BAHCC1: variants seen among roughly 807,000 people sequenced by gnomAD.
BAHCC1 encodes BAH and coiled-coil domain-containing protein 1.
A neutral mutation model predicts 88.2 loss-of-function variants in BAHCC1; 43 were observed. That is an observed-to-expected ratio of 0.49 (90% CI 0.38 to 0.63). BAHCC1 has a LOEUF of 0.63. BAHCC1 is among the 20% of genes least tolerant of loss of function. BAHCC1 has a pLI of 0.00. For synonymous variants in BAHCC1, 1,510 were observed against 745.5 expected, an observed-to-expected ratio of 2.03 and a Z score of -16.71; for missense variants, 3,023 against 1,654.8, an observed-to-expected ratio of 1.83 and a Z score of -14.34.
At chr17:81,406,082 A>G (rs1555646822) in intron 2 of BAHCC1, among the ~76,000 whole-genome samples, 1 of 152,214 alleles carries the variant, frequency 6.6e-6, no homozygotes, top group East Asian at 1.9e-4. Context: ...CCCTCAAACA[A>G]CAGAAGCTGC....
chr17:81,437,655 G>A (rs1160617730), intron 3 of BAHCC1, among the ~76,000 whole-genome samples: 1 of 152,264 alleles, frequency 6.6e-6, no homozygotes, highest in East Asian at 1.9e-4. Flanking sequence ...GGCAGGGGCA[G>A]GCCGCTCAGA....
intron 3 of BAHCC1, 96 bp from the exon 4 acceptor site, chr17:81,438,274 G>A: frequency 2.7e-6 from 2 of 733,300 alleles, no homozygotes; most frequent in Non-Finnish European, 5.0e-6. Context: ...CATCGCTCCT[G>A]GGCTGCCTGC....
intron 2 of BAHCC1, among the ~76,000 whole-genome samples, chr17:81,409,037 A>G (rs1351761274): frequency 3.9e-5 from 6 of 152,228 alleles, no homozygotes; most frequent in African/African-American, 1.4e-4. Context: ...GAAAAGATGA[A>G]CGATTAACTC....
At position 81,447,219 on chromosome 17, in the gene BAHCC1, A is replaced by C. The variant is rs1555654704; in HGVS notation, c.3347A>C (p.Glu1116Ala). ...CCCTGCAGCCCCAGGAGCCTGGAGGAGCCCGGGCTGCTCTCAGGGGCCAGG... is the reference window on the plus strand; with the variant it reads ...CCCTGCAGCCCCAGGAGCCTGGAGGCGCCCGGGCTGCTCTCAGGGGCCAGG... ...PPPCSPRSLE[E>A]PGLLSGAREA... The change falls in exon 11 of 28, where the codon GAG (glutamate) becomes GCG (alanine). Residue 1116 changes from glutamate to alanine, a missense_variant. Glu to Ala is a moderately radical substitution (Grantham distance 107). Coordinates refer to ENST00000675386, the MANE Select transcript of BAHCC1 (RefSeq NM_001377448.1). 4 of 743,868 alleles carry C rather than the reference A, an allele frequency of 5.4e-6. No homozygotes were observed. The South Asian group carries it at 5.8e-5, about 11-fold the overall frequency. The allele number at this position is 743,868 out of a possible 1,614,324, so 46.1% of individuals were successfully genotyped here.
chr17:81,438,762 G>T (rs988159580), intron 4 of BAHCC1, among the ~76,000 whole-genome samples: 1 of 152,160 alleles, frequency 6.6e-6, no homozygotes, highest in Non-Finnish European at 1.5e-5. Context: ...CTGAGCTGGT[G>T]CCCACCTTCC....
intron 2 of BAHCC1, among the ~76,000 whole-genome samples, chr17:81,403,731 G>C (rs1476616815): frequency 4.6e-5 from 7 of 152,146 alleles, no homozygotes; most frequent in African/African-American, 1.4e-4. Flanking sequence ...GTTACTTTCC[G>C]AAGACGTCAC....
intron 2 of BAHCC1, among the ~76,000 whole-genome samples, chr17:81,426,204 G>C (rs2064195765): frequency 6.8e-6 from 1 of 146,952 alleles, no homozygotes; most frequent in African/African-American, 2.5e-5. Flanking sequence ...TGATGTGGTT[G>C]GTGATGATGT....
At position 81,421,960 on chromosome 17, in the gene BAHCC1, G is replaced by A. The variant is rs538108005; in HGVS notation, c.179-4840G>A. 14 of 425,998 alleles carry A rather than the reference G, an allele frequency of 3.3e-5. No individual in the cohort carries two copies. The East Asian group carries it at 7.4e-4, about 22-fold the overall frequency. 26.4% of individuals were successfully genotyped at this position (425,998 alleles called of 1,614,324 possible). On this transcript the variant is annotated intron_variant, in intron 2 of 27. Coordinates refer to ENST00000675386, the MANE Select transcript of BAHCC1 (RefSeq NM_001377448.1). The stretch of plus-strand genomic sequence containing the variant: ...CTGTGCCCAGAAGTGGTCCCAGAAC[G>A]CTCATGCGAGGGCCTCAGGGCCGGG...
In BAHCC1 at chr17:81,411,825, C is replaced by T. The variant is rs1161835431; in HGVS notation, c.178+11908C>T. ...CTGCACGCCTCAGCAAGGTCGTTCC[C>T]GACAAGCCCCTCACCGCCCCGGCCC... On this transcript the variant is annotated intron_variant, in intron 2 of 27. Transcript: ENST00000675386. The surrounding 1 kb of genome is among the most constrained non-coding windows in gnomAD (Gnocchi z 6.2). 2.0e-5 allele frequency among the ~76,000 whole-genome samples: 3 copies of T among 152,214 alleles called. No individual in the cohort carries two copies. Among genetic ancestry groups the T allele is most frequent in the Non-Finnish European group, 4.4e-5 (3 of 68,030 alleles).
rs1428792256 is a variant in BAHCC1 at position 81,442,754 on chromosome 17, G to C, written c.1405G>C (p.Asp469His). The C allele has an allele frequency of 1.3e-6, 1 of 779,008 alleles. No homozygotes were observed. The highest frequency in any genetic ancestry group is 2.4e-6 in the Non-Finnish European group (1 of 417,762). 48.3% of individuals were successfully genotyped at this position (779,008 alleles called of 1,614,324 possible). A position where few individuals can be genotyped will look rare whatever the true frequency, so the allele number is the denominator to read the frequency against. The change falls in exon 5 of 28, where the codon GAC (aspartate) becomes CAC (histidine). Residue 469 changes from aspartate to histidine, a missense_variant. Asp to His is a moderately conservative substitution (Grantham distance 81). Coordinates refer to ENST00000675386, the MANE Select transcript of BAHCC1 (RefSeq NM_001377448.1). ...CCTCAACCCCCGGCTAAAGGGCCTC[G>C]ACTATCTCAGCAGCGCAGGCCCCGA... ...AALNPRLKGLDYLSSAGPEAS... is the reference protein window; with the variant it reads ...AALNPRLKGLHYLSSAGPEAS...
intron 10 of BAHCC1, 32 bp downstream of exon 10, chr17:81,445,713 G>C (rs1344498712): frequency 4.2e-6 from 3 of 713,784 alleles, no homozygotes; most frequent in Non-Finnish European, 7.8e-6. Context: ...GGCCCACTGT[G>C]CTCCGCTCCA....
Position 81,463,345 on chromosome 17 carries a change from C to T in BAHCC1, c.7621-266C>T, listed in dbSNP as rs536397536. Among the ~76,000 whole-genome samples the T allele has an allele frequency of 2.2e-4, 34 of 152,350 alleles. No homozygotes were observed. The South Asian group carries it at 6.4e-3, about 29-fold the overall frequency. ...CTCTGAGAAGAAGCCATTTTCCAGACCATATGACACGTCCATCTTTCAGGG... is the reference window on the plus strand; with the variant it reads ...CTCTGAGAAGAAGCCATTTTCCAGATCATATGACACGTCCATCTTTCAGGG... On this transcript the variant is annotated intron_variant, in intron 27 of 27. Transcript: ENST00000675386.
Position 81,399,810 on chromosome 17 carries a change from C to T in BAHCC1, c.71C>T (p.Ala24Val). Reference sequence around the variant, plus strand: ...CGCGGGAGCCTGGGCCACCGCAGCGCCGCTGCCGCCGCGCGTCTCGCCCCG... The same window carrying T: ...CGCGGGAGCCTGGGCCACCGCAGCGTCGCTGCCGCCGCGCGTCTCGCCCCG... ...SERGSLGHRS[A>V]AAAARLAPAG... The change falls in exon 2 of 28, where the codon GCC becomes GTC. Residue 24 changes from alanine to valine, a missense_variant. Physicochemically the swap from Ala to Val is moderately conservative, Grantham distance 64. Transcript: ENST00000675386. This position sits in a 1 kb window ranked among gnomAD's most constrained non-coding sequence, Gnocchi z 4.5. The T allele has an allele frequency of 7.6e-7, 1 of 1,313,498 alleles. No homozygotes were observed. The highest frequency in any genetic ancestry group is 9.7e-7 in the Non-Finnish European group (1 of 1,033,298). The allele number at this position is 1,313,498 out of a possible 1,614,324, so 81.4% of individuals were successfully genotyped here. A position where few individuals can be genotyped will look rare whatever the true frequency, so the allele number is the denominator to read the frequency against.
intron 14 of BAHCC1, among the ~76,000 whole-genome samples, chr17:81,454,887 T>G (rs2064718316): frequency 6.6e-6 from 1 of 152,200 alleles, no homozygotes; most frequent in African/African-American, 2.4e-5. Context: ...CCCCGACACC[T>G]GGCCTCTGGG....
intron 2 of BAHCC1, 92 bp from the exon 3 acceptor site, chr17:81,426,708 C>T (rs2064204159): frequency 2.8e-5 from 11 of 398,238 alleles, no homozygotes; most frequent in Middle Eastern, 6.2e-4. Context: ...CTGAGAGTCC[C>T]CTGTGGAGAA....
At chr17:81,403,955 G>A (rs1555646484) in intron 2 of BAHCC1, among the ~76,000 whole-genome samples, 1 of 152,262 alleles carries the variant, frequency 6.6e-6, no homozygotes, top group African/African-American at 2.4e-5. Context: ...CGCGCTTTCT[G>A]TAGGAATATC....
chr17:81,458,108 A>G (rs2029893179), intron 17 of BAHCC1, 57 bp from the exon 18 acceptor site: 1 of 709,280 alleles, frequency 1.4e-6, no homozygotes, highest in African/African-American at 1.8e-5. Flanking sequence ...CAGTCAGCCC[A>G]ACCAGCCGGG....
chr17:81,443,814 G>A lies in BAHCC1; in HGVS notation c.2221G>A (p.Gly741Ser), dbSNP rs139030352. Reference protein sequence around the residue: ...GRAAPAFKGGGGPRSTHALDL... With the variant: ...GRAAPAFKGGSGPRSTHALDL... ...GCTGTCTCGACCCTGTGCAGGTGGCGGTGGGCCCCGTTCCACACACGCGCT... is the reference window on the plus strand; with the variant it reads ...GCTGTCTCGACCCTGTGCAGGTGGCAGTGGGCCCCGTTCCACACACGCGCT... The change falls in exon 6 of 28, where the codon GGT becomes AGT. Residue 741 changes from glycine to serine, a missense_variant. By Grantham distance (56) the Gly-to-Ser change is moderately conservative. Transcript: ENST00000675386. The A allele has an allele frequency of 1.3e-4, 92 of 711,220 alleles. No individual in the cohort carries two copies. The East Asian group carries it at 2.0e-3, about 16-fold the overall frequency. The allele number at this position is 711,220 out of a possible 1,614,324, so 44.1% of individuals were successfully genotyped here.
At chr17:81,412,491 T>G (rs2143277075) in intron 2 of BAHCC1, among the ~76,000 whole-genome samples, 1 of 152,310 alleles carries the variant, frequency 6.6e-6, no homozygotes, top group East Asian at 1.9e-4. Context: ...CCAAAGTGCC[T>G]AAGTCTGGAG....
Sources: allele counts gnomAD v4.1 joint callset (sites outside exome capture counted in the v4.1 genomes callset), GRCh38; gene constraint gnomAD v4.1.1; non-coding constraint Gnocchi (gnomAD v3.1); transcripts MANE v1.5; gene names NCBI Gene and HGNC (gene_info 2026-07-23, HGNC 2026-07-21).